Variants in FAM53B observed in about 807,000 individuals in gnomAD.
FAM53B encodes family with sequence similarity 53 member B.
In FAM53B, 12 loss-of-function variants were observed where a neutral mutation model predicts 32.7. The observed-to-expected ratio is 0.37, with a 90% CI of 0.24 to 0.59. The LOEUF (loss-of-function observed/expected upper bound fraction) is 0.59, where lower values mean the gene tolerates loss of function less well. Among genes scored for constraint, FAM53B ranks in the 20% least tolerant of loss-of-function variants. FAM53B has a pLI of 0.72. For synonymous variants in FAM53B, 234 were observed against 228.7 expected (o/e 1.02, Z -0.21); for missense variants, 477 against 577.7 (o/e 0.83, Z 1.79).
chr10:124,623,485 G>A lies in FAM53B; in HGVS notation c.1026C>T (p.Ala342=), dbSNP rs779530377. 5.0e-6 allele frequency: 8 copies of A among 1,587,934 alleles called. No individual in the cohort carries two copies. The Admixed American group carries it at 7.2e-5, about 14-fold the overall frequency. The change falls in exon 5 of 5, where the codon GCC becomes GCT. Residue 342 remains alanine, a synonymous_variant. Coordinates refer to ENST00000337318, the MANE Select transcript of FAM53B (RefSeq NM_014661.4). ...NTRAWTALLS[A]SGPGGRTPAG... is the part of the protein sequence containing the mutation. ...CGGGGGTCCTGCCCCCTGGGCCGGAGGCTGAGAGCAGGGCGGTCCAGGCCC... is the reference window on the plus strand; with the variant it reads ...CGGGGGTCCTGCCCCCTGGGCCGGAAGCTGAGAGCAGGGCGGTCCAGGCCC...
At chr10:124,668,495 C>T (rs756233133) in intron 4 of FAM53B, among the ~76,000 whole-genome samples, 1 of 152,260 alleles carries the variant, frequency 6.6e-6, no homozygotes, top group Non-Finnish European at 1.5e-5. Flanking sequence ...AAGGGGGATA[C>T]GGGCAATGCA....
chr10:124,691,795 G>C (rs1420869430), intron 3 of FAM53B, among the ~76,000 whole-genome samples: 1 of 152,226 alleles, frequency 6.6e-6, no homozygotes, highest in Non-Finnish European at 1.5e-5. Context: ...CCCACTGCAA[G>C]TGGGAGAAGA....
intron 4 of FAM53B, among the ~76,000 whole-genome samples, chr10:124,662,884 C>T (rs1231059970): frequency 1.3e-5 from 2 of 152,168 alleles, no homozygotes; most frequent in African/African-American, 4.8e-5. Context: ...AGTTAAAGAA[C>T]CAGACAGGTA....
At chr10:124,647,275 G>A (rs1949522993) in intron 4 of FAM53B, among the ~76,000 whole-genome samples, 1 of 152,172 alleles carries the variant, frequency 6.6e-6, no homozygotes, top group South Asian at 2.1e-4. Flanking sequence ...TAAGTGACTT[G>A]GATGAATGGC....
intron 4 of FAM53B, among the ~76,000 whole-genome samples, chr10:124,629,376 G>A (rs1457322593): frequency 6.6e-6 from 1 of 152,236 alleles, no homozygotes; most frequent in African/African-American, 2.4e-5. Context: ...GGCGGGACCA[G>A]CTGCGTTTCC....
At chr10:124,713,856 G>C (rs907161254) in intron 1 of FAM53B, 2 of 152,172 alleles carry the variant, frequency 1.3e-5, no homozygotes, top group Non-Finnish European at 2.9e-5. Flanking sequence ...GGTGGCTCCC[G>C]GAAGTCATTG....
intron 1 of FAM53B, among the ~76,000 whole-genome samples, chr10:124,731,681 A>C (rs1950144105): frequency 6.7e-6 from 1 of 150,052 alleles, no homozygotes; most frequent in African/African-American, 2.5e-5. Flanking sequence ...GTTCCACTTC[A>C]CTGGAACACC....
intron 4 of FAM53B, among the ~76,000 whole-genome samples, chr10:124,674,420 A>G (rs552318309): frequency 1.7e-4 from 26 of 152,376 alleles, no homozygotes; most frequent in African/African-American, 6.0e-4. Flanking sequence ...GACATTTAAC[A>G]CAGTGAGAGA....
At chr10:124,626,702 GC>G (rs3837355) in intron 4 of FAM53B, among the ~76,000 whole-genome samples, 6,580 of 152,322 alleles carry the variant, frequency 0.043, 247 homozygotes, top group East Asian at 0.2. Context: ...GACACTTTAT[GC>G]ATTAGCCATA....
Position 124,657,040 on chromosome 10 carries a change from ATATATATATATGTATATATG to A in FAM53B, c.906+24547_906+24566del, listed in dbSNP as rs199894382. Among the ~76,000 whole-genome samples the A allele has an allele frequency of 4.2e-3, 607 of 144,144 alleles. 12 individuals are homozygous for A. Among genetic ancestry groups the A allele is most frequent in the African/African-American group, 0.015 (571 of 38,974 alleles). 94.6% of individuals were successfully genotyped at this position (144,144 alleles called of 152,430 possible). A position where few individuals can be genotyped will look rare whatever the true frequency, so the allele number is the denominator to read the frequency against. The stretch of plus-strand genomic sequence containing the variant: ...GTACCCTAGAACTTAAAGTATAAAT[ATATATATATATGTATATATG>A]TATATATATATGTATATATATGTGT... On this transcript the variant is annotated intron_variant, in intron 4 of 4. Coordinates refer to ENST00000337318, the MANE Select transcript of FAM53B (RefSeq NM_014661.4).
chr10:124,726,315 GAAATCT>G (rs1424021010), intron 1 of FAM53B, among the ~76,000 whole-genome samples: 1 of 152,178 alleles, frequency 6.6e-6, no homozygotes, highest in African/African-American at 2.4e-5. Context: ...CCAGGCCCTG[GAAATCT>G]AAATCTAGGT....
intron 4 of FAM53B, among the ~76,000 whole-genome samples, chr10:124,645,677 A>G (rs1405108623): frequency 6.6e-5 from 10 of 152,186 alleles, no homozygotes; most frequent in Admixed American, 6.5e-4. Context: ...TGTCTGGCAT[A>G]ACGCCTGCTT....
intron 1 of FAM53B, among the ~76,000 whole-genome samples, chr10:124,739,921 T>C (rs1262951171): frequency 1.3e-5 from 2 of 152,068 alleles, no homozygotes; most frequent in South Asian, 2.1e-4. Flanking sequence ...CCCATCAGCA[T>C]TTCCCCCTCT....
At chr10:124,697,369 G>C (rs902988807) in intron 2 of FAM53B, among the ~76,000 whole-genome samples, 5 of 152,160 alleles carry the variant, frequency 3.3e-5, no homozygotes, top group Non-Finnish European at 5.9e-5. Context: ...AAGTGGACAA[G>C]GGCCCAGGTT....
intron 4 of FAM53B, among the ~76,000 whole-genome samples, chr10:124,660,564 C>T (rs1949624796): frequency 6.6e-6 from 1 of 152,214 alleles, no homozygotes; most frequent in African/African-American, 2.4e-5. Flanking sequence ...TGGGAAGGGC[C>T]CACTCGAGGC....
Position 124,682,448 on chromosome 10 carries a change from A to C in FAM53B, c.134-69T>G. 8.8e-5 allele frequency: 119 copies of C among 1,347,312 alleles called. No individual in the cohort carries two copies. Among genetic ancestry groups the C allele is most frequent in the Non-Finnish European group, 1.1e-4 (107 of 985,804 alleles). The allele number at this position is 1,347,312 out of a possible 1,614,324, so 83.5% of individuals were successfully genotyped here. A position where few individuals can be genotyped will look rare whatever the true frequency, so the allele number is the denominator to read the frequency against. ...TTCACTCCAGCCCTTTATTATCTCC[A>C]CACCAACAGCCCGTTTCAAACACAG... On this transcript the variant is annotated intron_variant, in intron 3 of 4. Transcript: ENST00000337318. This position sits in a 1 kb window ranked among gnomAD's most constrained non-coding sequence, Gnocchi z 5.2.
At chr10:124,711,192 T>C (rs1231405393) in intron 1 of FAM53B, among the ~76,000 whole-genome samples, 2 of 152,148 alleles carry the variant, frequency 1.3e-5, no homozygotes, top group Admixed American at 6.5e-5. Flanking sequence ...CAGAGACTCA[T>C]GCAGAGTGAA....
In FAM53B at chr10:124,715,889, T is replaced by C. The variant is rs546891922; in HGVS notation, c.-174-9002A>G. On this transcript the variant is annotated intron_variant, in intron 1 of 4. Coordinates refer to ENST00000337318, the MANE Select transcript of FAM53B (RefSeq NM_014661.4). ...ATATCCCTAGAAACACTGAAATCCC[T>C]AGGTAGGCACAATTCCTAGCAGGGC... Among the ~76,000 whole-genome samples, 4 of 152,290 alleles carry C rather than the reference T, an allele frequency of 2.6e-5. No homozygotes were observed. The South Asian group carries it at 8.3e-4, about 32-fold the overall frequency.
At chr10:124,727,068 G>T (rs1950108802) in intron 1 of FAM53B, among the ~76,000 whole-genome samples, 2 of 152,050 alleles carry the variant, frequency 1.3e-5, no homozygotes, top group Admixed American at 6.5e-5. Context: ...ACCCAGGCTG[G>T]AGTGCAGTGG....
Sources: allele counts gnomAD v4.1 joint callset (sites outside exome capture counted in the v4.1 genomes callset), GRCh38; gene constraint gnomAD v4.1.1; non-coding constraint Gnocchi (gnomAD v3.1); transcripts MANE v1.5; gene names NCBI Gene and HGNC (gene_info 2026-07-23, HGNC 2026-07-21).